SSH1: variants seen among roughly 807,000 people sequenced by gnomAD.
The protein encoded by SSH1 is slingshot protein phosphatase 1.
Under a neutral mutation model 79.7 loss-of-function variants are expected in SSH1, and 43 were observed. The observed-to-expected ratio is 0.54, with a 90% CI of 0.42 to 0.70. The LOEUF (loss-of-function observed/expected upper bound fraction) is 0.70. Among genes scored for constraint, SSH1 ranks in the 30% least tolerant of loss-of-function variants. SSH1 has a pLI of 0.00. For synonymous variants in SSH1, 599 were observed against 538.3 expected, an observed-to-expected ratio of 1.11 and a Z score of -1.56; for missense variants, 1,206 against 1,358.8, an observed-to-expected ratio of 0.89 and a Z score of 1.77.
At chr12:108,827,912 G>A (rs567089452) in intron 2 of SSH1, among the ~76,000 whole-genome samples, 2 of 152,312 alleles carry the variant, frequency 1.3e-5, no homozygotes, top group South Asian at 4.1e-4. Flanking sequence ...GACACGCCAG[G>A]TAGAGGGGAC....
chr12:108,831,022 C>T (rs896690495), intron 2 of SSH1, among the ~76,000 whole-genome samples: 9 of 151,874 alleles, frequency 5.9e-5, no homozygotes, highest in African/African-American at 1.5e-4. Flanking sequence ...TTCACAAAAC[C>T]GTGTGGAAGA....
intron 2 of SSH1, among the ~76,000 whole-genome samples, chr12:108,840,061 CATGTCCTCATTTATGCGGCAGTCTCTTGT>C (rs1369695497): frequency 6.6e-6 from 1 of 152,208 alleles, no homozygotes; most frequent in African/African-American, 2.4e-5. Flanking sequence ...GCTCTCCCGG[CATGTCCTCATTTATGCGGCAGTCTCTTGT>C]ATCTCACTGC....
At chr12:108,855,221 AAAG>A (rs1372806955) in intron 1 of SSH1, among the ~76,000 whole-genome samples, 1 of 152,246 alleles carries the variant, frequency 6.6e-6, no homozygotes. Context: ...ATGCTGAGTC[AAAG>A]AAGCCAGACA....
At chr12:108,826,204 G>A in intron 2 of SSH1, 1 of 435,638 alleles carries the variant, frequency 2.3e-6, no homozygotes, top group Admixed American at 2.8e-5. Context: ...TATTTCCTTT[G>A]GAAAAAAAAA....
intron 10 of SSH1, among the ~76,000 whole-genome samples, chr12:108,802,875 C>A (rs143118751): frequency 6.6e-6 from 1 of 152,294 alleles, no homozygotes; most frequent in African/African-American, 2.4e-5. Context: ...TCAGAACTCA[C>A]ACAGTGATTT....
chr12:108,853,429 A>C, intron 1 of SSH1: 6 of 832,614 alleles, frequency 7.2e-6, no homozygotes, highest in Non-Finnish European at 8.7e-6. Flanking sequence ...GGGACTTGGC[A>C]TGTTTTTTAT....
intron 14 of SSH1, chr12:108,791,962 A>T (rs1028845423): frequency 5.3e-6 from 7 of 1,317,278 alleles, no homozygotes; most frequent in Non-Finnish European, 6.8e-6. Context: ...TACATACACA[A>T]AAAGAAATTG....
In SSH1 at chr12:108,780,131, C is replaced by G. The variant is rs1265840813; in HGVS notation, c.*7857G>C. 1 of 152,240 alleles carries G rather than the reference C, an allele frequency of 6.6e-6. No individual in the cohort carries two copies. Among genetic ancestry groups the G allele is most frequent in the Non-Finnish European group, 1.5e-5 (1 of 68,084 alleles). The allele number at this position is 152,240 out of a possible 1,614,324, so 9.4% of individuals were successfully genotyped here. A position where few individuals can be genotyped will look rare whatever the true frequency, so the allele number is the denominator to read the frequency against. On this transcript the variant is annotated 3_prime_UTR_variant, in exon 15 of 15. Transcript: ENST00000326495. ...GGTGGGTGGTGTTTCCTGGGTGGAG[C>G]TCTCCTTTAGAAAGGGCTTCTTTAC...
chr12:108,822,288 C>G (rs559247454), intron 3 of SSH1, among the ~76,000 whole-genome samples: 32 of 152,198 alleles, frequency 2.1e-4, no homozygotes, highest in African/African-American at 7.5e-4. Flanking sequence ...CATGCGCCAC[C>G]ACGCCCAGCT....
At position 108,857,202 on chromosome 12, in the gene SSH1, G is replaced by A. The variant is rs1192425511; in HGVS notation, c.69+226C>T. Among the ~76,000 whole-genome samples the A allele has an allele frequency of 6.6e-6, 1 of 152,144 alleles. No homozygotes were observed. The highest frequency in any genetic ancestry group is 1.5e-5 in the Non-Finnish European group (1 of 68,020). On this transcript the variant is annotated intron_variant, in intron 1 of 14. Coordinates refer to ENST00000326495, the MANE Select transcript of SSH1 (RefSeq NM_018984.4). The surrounding 1 kb of genome is among the most constrained non-coding windows in gnomAD (Gnocchi z 4.7). Reference sequence around the variant, plus strand: ...GTCCCTGCAAAGTCGCCCCCCGATAGGGGTCACACCGCACACAAAGTCCCC... The same window carrying A: ...GTCCCTGCAAAGTCGCCCCCCGATAAGGGTCACACCGCACACAAAGTCCCC...
At chr12:108,831,761 G>T (rs2038479808) in intron 2 of SSH1, among the ~76,000 whole-genome samples, 1 of 152,064 alleles carries the variant, frequency 6.6e-6, no homozygotes, top group East Asian at 1.9e-4. Context: ...GTCATAAAAG[G>T]CCCCCCTGTG....
intron 2 of SSH1, among the ~76,000 whole-genome samples, chr12:108,838,027 T>G (rs2038682555): frequency 6.6e-6 from 1 of 152,106 alleles, no homozygotes; most frequent in Non-Finnish European, 1.5e-5. Context: ...CAAGAGATCC[T>G]CCCACCTCGG....
At chr12:108,830,131 C>T (rs1434946901) in intron 2 of SSH1, among the ~76,000 whole-genome samples, 3 of 151,844 alleles carry the variant, frequency 2.0e-5, no homozygotes, top group Non-Finnish European at 4.4e-5. Context: ...TTCTGATGCA[C>T]AGCCAAGTTT....
chr12:108,798,930 G>T, intron 13 of SSH1, 70 bp downstream of exon 13: 1 of 1,561,844 alleles, frequency 6.4e-7, no homozygotes, highest in Non-Finnish European at 8.7e-7. Context: ...GCCGACAGAG[G>T]CCTGGCTGGC....
At position 108,783,084 on chromosome 12, in the gene SSH1, CTG is replaced by C. The variant is rs1359217718; in HGVS notation, c.*4902_*4903del. Reference sequence around the variant, plus strand: ...ATGAAAGAAGAGTATGATTGTGTGACTGGGGAATGGGCAGGTGCTGGACTCTG... The same window carrying C: ...ATGAAAGAAGAGTATGATTGTGTGACGGGAATGGGCAGGTGCTGGACTCTG... On this transcript the variant is annotated 3_prime_UTR_variant, in exon 15 of 15. Coordinates refer to ENST00000326495, the MANE Select transcript of SSH1 (RefSeq NM_018984.4). The C allele has an allele frequency of 6.6e-6, 1 of 152,238 alleles. No homozygotes were observed. Among genetic ancestry groups the C allele is most frequent in the Non-Finnish European group, 1.5e-5 (1 of 68,054 alleles). The allele number at this position is 152,238 out of a possible 1,614,324, so 9.4% of individuals were successfully genotyped here.
rs182861605 is a variant in SSH1 at position 108,802,047 on chromosome 12, G to A, written c.1001+275C>T. ...CAGCACAGAGCCTAATCAATATCCA[G>A]GCGGTCCTACAGCAATTAGAGTGTA... is the stretch of plus-strand genomic sequence containing the variant. On this transcript the variant is annotated intron_variant, in intron 11 of 14. Transcript: ENST00000326495. Among the ~76,000 whole-genome samples, 48 of 152,342 alleles carry A rather than the reference G, an allele frequency of 3.2e-4. 2 individuals are homozygous for A. The highest frequency in any genetic ancestry group is 2.9e-3 in the Admixed American group (44 of 15,300).
In SSH1 at chr12:108,783,155, A is replaced by C. The variant is rs962884270; in HGVS notation, c.*4833T>G. 1.3e-5 allele frequency: 2 copies of C among 152,280 alleles called. No homozygotes were observed. Among genetic ancestry groups the C allele is most frequent in the Non-Finnish European group, 2.9e-5 (2 of 68,068 alleles). 9.4% of individuals were successfully genotyped at this position (152,280 alleles called of 1,614,324 possible). ...CTGCGCCACCCCACGGCTGGCTAGC[A>C]GACCAAGCTACGTTCTTTCATTGGC... On this transcript the variant is annotated 3_prime_UTR_variant, in exon 15 of 15. Coordinates refer to ENST00000326495, the MANE Select transcript of SSH1 (RefSeq NM_018984.4).
At chr12:108,822,119 C>G (rs1368772130) in intron 3 of SSH1, among the ~76,000 whole-genome samples, 1 of 144,250 alleles carries the variant, frequency 6.9e-6, no homozygotes, top group Non-Finnish European at 1.5e-5. Flanking sequence ...TGCAGTGGCG[C>G]AATCGTGGCT....
chr12:108,806,584 C>T (rs944335647), intron 8 of SSH1, among the ~76,000 whole-genome samples, 190 bp from the exon 9 acceptor site: 6 of 152,144 alleles, frequency 3.9e-5, no homozygotes, highest in Admixed American at 1.3e-4. Flanking sequence ...AGAACTCCCA[C>T]GGGAGTCAAC....
Sources: gnomAD v4.1 joint callset for allele counts (sites outside exome capture counted in the v4.1 genomes callset) on GRCh38, gnomAD v4.1.1 for gene constraint, Gnocchi (gnomAD v3.1) non-coding constraint, MANE v1.5 for transcripts, NCBI Gene and HGNC (gene_info 2026-07-23, HGNC 2026-07-21) for gene names.